Variants in CLEC16A observed in about 807,000 individuals in gnomAD.
CLEC16A encodes the protein protein CLEC16A.
In CLEC16A, 51 loss-of-function variants were observed where a neutral mutation model predicts 109.5. That is an observed-to-expected ratio of 0.47 (90% CI 0.37 to 0.59). CLEC16A has a LOEUF of 0.59. CLEC16A is among the 20% of genes least tolerant of loss of function. CLEC16A has a pLI of 0.00. For missense variants in CLEC16A, 1,339 were observed against 1,394.0 expected (o/e 0.96, Z 0.63); for synonymous variants, 673 against 564.2 (o/e 1.19, Z -2.73).
At chr16:11,006,066 T>C (rs1163369873) in intron 11 of CLEC16A, among the ~76,000 whole-genome samples, 1 of 152,206 alleles carries the variant, frequency 6.6e-6, no homozygotes, top group South Asian at 2.1e-4. Context: ...ATTGTTCATG[T>C]TCCTGGGAAG....
At chr16:11,089,671 C>T (rs1018538564) in intron 19 of CLEC16A, among the ~76,000 whole-genome samples, 2 of 152,294 alleles carry the variant, frequency 1.3e-5, no homozygotes, top group African/African-American at 2.4e-5. Flanking sequence ...CACCTGGTCG[C>T]CTGGTCACCT....
At chr16:11,163,066 C>T (rs750520638) in intron 22 of CLEC16A, among the ~76,000 whole-genome samples, 1 of 152,230 alleles carries the variant, frequency 6.6e-6, no homozygotes, top group African/African-American at 2.4e-5. Flanking sequence ...TTTGCACCTA[C>T]TTCGCAGCCC....
At chr16:10,981,029 G>T (rs2093762167) in intron 9 of CLEC16A, among the ~76,000 whole-genome samples, 1 of 152,136 alleles carries the variant, frequency 6.6e-6, no homozygotes, top group Admixed American at 6.5e-5. Context: ...AGCTTTTTGA[G>T]TCTGGCCTGC....
chr16:11,125,028 A>G (rs1250339535), intron 21 of CLEC16A, among the ~76,000 whole-genome samples: 2 of 152,132 alleles, frequency 1.3e-5, no homozygotes, highest in Admixed American at 1.3e-4. Context: ...GGTGGAGGTT[A>G]CAGTGAGCCA....
chr16:11,126,478 C>T (rs1169473165), intron 22 of CLEC16A: 2 of 1,125,136 alleles, frequency 1.8e-6, no homozygotes, highest in Middle Eastern at 3.1e-4. Flanking sequence ...TAATTTCCTT[C>T]TCCATGTAAG....
intron 10 of CLEC16A, among the ~76,000 whole-genome samples, chr16:10,987,816 C>CT (rs1210890251): frequency 6.6e-6 from 1 of 152,168 alleles, no homozygotes. Flanking sequence ...GTTTCTTGGT[C>CT]TTTTTTAACC....
chr16:11,075,613 G>A (rs1419206153), intron 19 of CLEC16A, among the ~76,000 whole-genome samples: 1 of 151,976 alleles, frequency 6.6e-6, no homozygotes, highest in Non-Finnish European at 1.5e-5. Context: ...ATTTTTAAAT[G>A]TTTTATAGAG....
At chr16:11,157,092 G>T in intron 22 of CLEC16A, 2 of 1,304,194 alleles carry the variant, frequency 1.5e-6, no homozygotes, top group Non-Finnish European at 2.0e-6. Flanking sequence ...CAAGGATAGT[G>T]TTTAAAATCT....
intron 11 of CLEC16A, among the ~76,000 whole-genome samples, chr16:11,018,803 G>GCCCCCCCCCC (rs2045924265): frequency 1.3e-5 from 2 of 150,878 alleles, no homozygotes; most frequent in Non-Finnish European, 2.9e-5. Flanking sequence ...ATAGTGAGAA[G>GCCCCCCCCCC]CCCAGCACAG....
intron 22 of CLEC16A, among the ~76,000 whole-genome samples, chr16:11,131,481 C>T (rs953455685): frequency 2.0e-5 from 3 of 152,150 alleles, no homozygotes; most frequent in Non-Finnish European, 2.9e-5. Flanking sequence ...TTCAGGAGGC[C>T]GCAGGGAACC....
At chr16:11,156,370 A>G (rs2054517988) in intron 22 of CLEC16A, among the ~76,000 whole-genome samples, 1 of 136,144 alleles carries the variant, frequency 7.3e-6, no homozygotes, top group Non-Finnish European at 1.6e-5. Flanking sequence ...ACTCCATCTC[A>G]AAAAAAAAAA....
At chr16:11,058,411 G>C (rs538928265) in intron 18 of CLEC16A, among the ~76,000 whole-genome samples, 1 of 152,254 alleles carries the variant, frequency 6.6e-6, no homozygotes, top group Non-Finnish European at 1.5e-5. Context: ...ATCGTCTCTA[G>C]ATTACTTATG....
At position 11,178,363 on chromosome 16, in the gene CLEC16A, G is replaced by A. The variant is rs201153031; in HGVS notation, c.2835G>A (p.Lys945=). The A allele has an allele frequency of 2.3e-5, 37 of 1,613,294 alleles. No individual in the cohort carries two copies. Among genetic ancestry groups the A allele is most frequent in the Non-Finnish European group, 2.8e-5 (33 of 1,179,624 alleles). ...ADAPMSPELP[K]PHLPDQLVIV... Reference sequence around the variant, plus strand: ...CCCCCATGAGTCCAGAACTGCCTAAGCCTCACCTTCCTGACCAGTTGGTAA... The same window carrying A: ...CCCCCATGAGTCCAGAACTGCCTAAACCTCACCTTCCTGACCAGTTGGTAA... Residue 945 remains lysine (K), a synonymous_variant, in exon 24 of 24, where the codon AAG becomes AAA. Coordinates refer to ENST00000409790, the MANE Select transcript of CLEC16A (RefSeq NM_015226.3). The surrounding 1 kb of genome is among the most constrained non-coding windows in gnomAD (Gnocchi z 6.5).
rs1043271921 is a variant in CLEC16A, at chr16:11,164,662, A to G, written c.2642-1726A>G. Among the ~76,000 whole-genome samples the G allele has an allele frequency of 3.3e-5, 5 of 152,360 alleles. No homozygotes were observed. The South Asian group carries it at 8.3e-4, about 25-fold the overall frequency. ...AAAAGCCTTTTAGGCTTTGCAGGCC[A>G]TGTGGTCGCTATGGCAACTGCTCAA... On this transcript the variant is annotated intron_variant, in intron 22 of 23. Transcript: ENST00000409790.
In CLEC16A at chr16:11,101,216, C is replaced by T. The variant is rs956343610; in HGVS notation, c.2117-19399C>T. 2.0e-5 allele frequency among the ~76,000 whole-genome samples: 3 copies of T among 152,180 alleles called. No homozygotes were observed. The East Asian group carries it at 5.8e-4, about 29-fold the overall frequency. ...CTGAATAATGATAGGCAAAAACCTT[C>T]AGTTCTCGCAGTGATCTTCCTAGTG... is the stretch of plus-strand genomic sequence containing the variant. On this transcript the variant is annotated intron_variant, in intron 19 of 23. Transcript: ENST00000409790.
In CLEC16A at chr16:11,116,730, C is replaced by T. The variant is rs528906568; in HGVS notation, c.2117-3885C>T. Among the ~76,000 whole-genome samples, 6 of 152,298 alleles carry T rather than the reference C, an allele frequency of 3.9e-5. No individual in the cohort carries two copies. In the South Asian group the frequency reaches 8.3e-4, roughly 21 times the overall value. On this transcript the variant is annotated intron_variant, in intron 19 of 23. Coordinates refer to ENST00000409790, the MANE Select transcript of CLEC16A (RefSeq NM_015226.3). ...AGAATGCATGAGCCCAGTTTGTTAT[C>T]GTGTGCTTTGGCCAAAATTGATACC... is the stretch of plus-strand genomic sequence containing the variant.
chr16:10,962,405 G>A (rs200174861), intron 2 of CLEC16A, 50 bp from the exon 3 acceptor site: 85 of 1,610,030 alleles, frequency 5.3e-5, no homozygotes, highest in Non-Finnish European at 7.0e-5. Flanking sequence ...AATAATTTCT[G>A]TTTCCACATG....
At chr16:10,986,054 T>G (rs1354383798) in intron 10 of CLEC16A, among the ~76,000 whole-genome samples, 1 of 97,450 alleles carries the variant, frequency 1.0e-5, no homozygotes, top group Non-Finnish European at 2.0e-5. Flanking sequence ...TTTTTGAGAC[T>G]GAGTCTCGCT....
chr16:10,976,117 A>T (rs1398079678), intron 7 of CLEC16A, among the ~76,000 whole-genome samples: 1 of 152,152 alleles, frequency 6.6e-6, no homozygotes, highest in Non-Finnish European at 1.5e-5. Flanking sequence ...AAAAATTTTT[A>T]AAAATAGTTG....
Sources: allele counts gnomAD v4.1 joint callset (sites outside exome capture counted in the v4.1 genomes callset), GRCh38; gene constraint gnomAD v4.1.1; non-coding constraint Gnocchi (gnomAD v3.1); transcripts MANE v1.5; gene names NCBI Gene and HGNC (gene_info 2026-07-23, HGNC 2026-07-21).